CDK13: variants seen among roughly 807,000 people sequenced by gnomAD.
The protein encoded by CDK13 is cyclin-dependent kinase 13.
Under a neutral mutation model 137.6 loss-of-function variants are expected in CDK13, and 40 were observed. That is an observed-to-expected ratio of 0.29 (90% CI 0.23 to 0.38). The LOEUF (loss-of-function observed/expected upper bound fraction) is 0.38, where lower values mean the gene tolerates loss of function less well. CDK13 is among the 10% of genes least tolerant of loss of function. CDK13 has a pLI of 1.00. For synonymous variants in CDK13, 869 were observed against 760.1 expected (o/e 1.14, Z -2.36); for missense variants, 1,704 against 1,951.8 (o/e 0.87, Z 2.39).
chr7:40,064,145 G>A (rs866672534), intron 9 of CDK13, among the ~76,000 whole-genome samples: 226 of 152,012 alleles, frequency 1.5e-3, no homozygotes, highest in African/African-American at 5.0e-3. Flanking sequence ...TTAGCCCGGC[G>A]TGGTGGCCCA....
intron 11 of CDK13, among the ~76,000 whole-genome samples, chr7:40,087,013 C>G (rs1482295458): frequency 6.6e-6 from 1 of 151,862 alleles, no homozygotes; most frequent in Non-Finnish European, 1.5e-5. Context: ...AGCATGTTGC[C>G]CATGCTGGTG....
At chr7:40,086,212 A>T (rs1402895475) in intron 11 of CDK13, among the ~76,000 whole-genome samples, 2 of 152,186 alleles carry the variant, frequency 1.3e-5, no homozygotes, top group Non-Finnish European at 2.9e-5. Context: ...GAAAGAGGAG[A>T]TGTAAAAGAA....
intron 2 of CDK13, among the ~76,000 whole-genome samples, chr7:39,989,086 C>CAAAAAAAA (rs1213730855): frequency 1.5e-4 from 7 of 46,670 alleles, no homozygotes; most frequent in Admixed American, 3.3e-4. Flanking sequence ...CGTGTCTCAC[C>CAAAAAAAA]AAAAAAAAAA....
In CDK13 at chr7:40,032,258, A is replaced by G. The variant is rs202138929; in HGVS notation, c.2354-13578A>G. Among the ~76,000 whole-genome samples, 88 of 152,194 alleles carry G rather than the reference A, an allele frequency of 5.8e-4. No homozygotes were observed. In the East Asian group the frequency reaches 0.011, roughly 20 times the overall value. ...GGTTTTAAAAATATTTTTTGGAGAG[A>G]CAGGGTTTTGCCACGTTGCCCAGAC... is the stretch of plus-strand genomic sequence containing the variant. On this transcript the variant is annotated intron_variant, in intron 5 of 13. Coordinates refer to ENST00000181839, the MANE Select transcript of CDK13 (RefSeq NM_003718.5).
Position 40,093,211 on chromosome 7 carries a change from C to T in CDK13, c.3662C>T (p.Pro1221Leu), listed in dbSNP as rs773196593. ...GHEASLQLRP[P>L]PEPSTPVSGQ... is the part of the protein sequence containing the mutation. Reference sequence around the variant, plus strand: ...GAAGCGTCATTACAACTCAGGCCACCTCCAGAACCTAGCACTCCGGTGTCG... The same window carrying T: ...GAAGCGTCATTACAACTCAGGCCACTTCCAGAACCTAGCACTCCGGTGTCG... Residue 1221 changes from proline (P) to leucine (L), a missense_variant, in exon 13 of 14, where the codon CCT becomes CTT. Pro to Leu is a moderately conservative substitution (Grantham distance 98). Transcript: ENST00000181839. The T allele has an allele frequency of 1.9e-6, 3 of 1,613,304 alleles. No homozygotes were observed. Among genetic ancestry groups the T allele is most frequent in the Non-Finnish European group, 2.5e-6 (3 of 1,179,698 alleles).
At chr7:40,089,154 G>A (rs1399599250) in intron 12 of CDK13, among the ~76,000 whole-genome samples, 1 of 151,728 alleles carries the variant, frequency 6.6e-6, no homozygotes, top group African/African-American at 2.4e-5. Flanking sequence ...AGAAGGGAAG[G>A]CCAGGCATGG....
At chr7:39,971,639 CT>C (rs952763187) in intron 1 of CDK13, among the ~76,000 whole-genome samples, 1 of 66,746 alleles carries the variant, frequency 1.5e-5, no homozygotes, top group Non-Finnish European at 3.2e-5. Flanking sequence ...GCTCGCAGCA[CT>C]TTGGGAGGCC....
At chr7:40,020,946 C>T (rs961511643) in intron 5 of CDK13, among the ~76,000 whole-genome samples, 20 of 151,966 alleles carry the variant, frequency 1.3e-4, no homozygotes, top group African/African-American at 4.6e-4. Context: ...CAAAAATTAG[C>T]AGGGCGTGGT....
chr7:40,064,939 G>GCAC (rs1786245730), intron 9 of CDK13, among the ~76,000 whole-genome samples: 1 of 140,742 alleles, frequency 7.1e-6, no homozygotes, highest in Non-Finnish European at 1.5e-5. Context: ...CCACAGGCAT[G>GCAC]CACCACCATG....
At chr7:39,957,178 G>A (rs543734277) in intron 1 of CDK13, among the ~76,000 whole-genome samples, 1 of 151,310 alleles carries the variant, frequency 6.6e-6, no homozygotes, top group South Asian at 2.1e-4. Flanking sequence ...CTGGTCTCCT[G>A]GGGTTGAACA....
intron 5 of CDK13, among the ~76,000 whole-genome samples, chr7:40,003,202 A>ACTCTCTCTCTCTCTCTCT (rs1334115140): frequency 1.2e-5 from 1 of 80,970 alleles, no homozygotes; most frequent in African/African-American, 4.5e-5. Flanking sequence ...ACACACACAC[A>ACTCTCTCTCTCTCTCTCT]CACACTCTCT....
intron 1 of CDK13, chr7:39,952,510 T>G (rs1787262354): frequency 6.6e-6 from 1 of 152,236 alleles, no homozygotes. Context: ...TTCAAAGTCA[T>G]AATTATAGAA....
rs572547348 is a variant in CDK13 at position 39,981,971 on chromosome 7, T to C, written c.1212-5628T>C. Reference sequence around the variant, plus strand: ...TACGCCCGGCTAATTTTTTTTTTTTTCACTATTGTGTATTTTTTCTTTTTT... The same window carrying C: ...TACGCCCGGCTAATTTTTTTTTTTTCCACTATTGTGTATTTTTTCTTTTTT... On this transcript the variant is annotated intron_variant, in intron 1 of 13. Transcript: ENST00000181839. 1.0e-4 allele frequency among the ~76,000 whole-genome samples: 15 copies of C among 144,734 alleles called. No homozygotes were observed. The East Asian group carries it at 2.3e-3, about 22-fold the overall frequency. 95.0% of individuals were successfully genotyped at this position (144,734 alleles called of 152,430 possible).
rs185487038 is a variant in CDK13, at chr7:40,068,800, A to G, written c.2780+5700A>G. Among the ~76,000 whole-genome samples, 1,064 of 151,812 alleles carry G rather than the reference A, an allele frequency of 7.0e-3. 34 individuals carry two copies. Among genetic ancestry groups the G allele is most frequent in the Non-Finnish European group, 3.1e-3 (211 of 67,902 alleles). ...AATAGTTACAGAAGGCTATATTGAGATTGATCTCATTTAGGTAAAACAAAA... is the reference window on the plus strand; with the variant it reads ...AATAGTTACAGAAGGCTATATTGAGGTTGATCTCATTTAGGTAAAACAAAA... On this transcript the variant is annotated intron_variant, in intron 9 of 13. Transcript: ENST00000181839.
intron 5 of CDK13, among the ~76,000 whole-genome samples, chr7:40,016,563 A>G (rs1024617153): frequency 6.6e-5 from 10 of 152,160 alleles, no homozygotes; most frequent in African/African-American, 2.2e-4. Flanking sequence ...GTCAGATGTT[A>G]AAGTTTGGGA....
rs949009710 is a variant in CDK13, at chr7:40,093,107, G to T, written c.3558G>T (p.Leu1186=). Residue 1186 remains leucine, a synonymous_variant, in exon 13 of 14, where the codon CTG becomes CTT. Transcript: ENST00000181839. The part of the protein sequence containing the change: ...QAAVQSAFAV[L]LTQLIKAQQS... ...CTGTGCAGAGTGCATTTGCAGTTCTGTTGACTCAGTTAATAAAGGCTCAGC... is the reference window on the plus strand; with the variant it reads ...CTGTGCAGAGTGCATTTGCAGTTCTTTTGACTCAGTTAATAAAGGCTCAGC... 1 of 1,614,172 alleles carries T rather than the reference G, an allele frequency of 6.2e-7. No homozygotes were observed. Among genetic ancestry groups the T allele is most frequent in the Non-Finnish European group, 8.5e-7 (1 of 1,180,034 alleles).
At chr7:40,015,363 G>A (rs868230849) in intron 5 of CDK13, among the ~76,000 whole-genome samples, 7 of 152,202 alleles carry the variant, frequency 4.6e-5, no homozygotes, top group Admixed American at 3.3e-4. Flanking sequence ...TAGAGCACTA[G>A]AAATATGTGC....
In CDK13 at chr7:40,094,925, G is replaced by A. The variant is rs2150548995; in HGVS notation, c.4484G>A (p.Arg1495Lys). ...AQGPGYSQGYRGHISTSTGRG... is the reference protein window; with the variant it reads ...AQGPGYSQGYKGHISTSTGRG... ...GGACCTGGATATTCACAAGGATACAGGGGACATATTAGCACATCAACTGGC... is the reference window on the plus strand; with the variant it reads ...GGACCTGGATATTCACAAGGATACAAGGGACATATTAGCACATCAACTGGC... Residue 1495 changes from arginine to lysine, a missense_variant, in exon 14 of 14, where the codon AGG becomes AAG. Around this residue, in one of 5 missense-constraint regions of CDK13, gnomAD observed 475 missense variants for 579.3 expected, o/e 0.82. Transcript: ENST00000181839. 6.7e-7 allele frequency: 1 copy of A among 1,492,592 alleles called. No individual in the cohort carries two copies. 92.5% of individuals were successfully genotyped at this position (1,492,592 alleles called of 1,614,324 possible). A position where few individuals can be genotyped will look rare whatever the true frequency, so the allele number is the denominator to read the frequency against.
At chr7:39,974,231 AT>A (rs933060389) in intron 1 of CDK13, among the ~76,000 whole-genome samples, 160 of 146,890 alleles carry the variant, frequency 1.1e-3, no homozygotes, top group African/African-American at 2.5e-3. Context: ...TATCTTGTTA[AT>A]TTTTTTTTTT....
Sources: allele counts gnomAD v4.1 joint callset (sites outside exome capture counted in the v4.1 genomes callset), GRCh38; gene constraint gnomAD v4.1.1; regional missense constraint gnomAD v4.1.1; transcripts MANE v1.5; gene names NCBI Gene and HGNC (gene_info 2026-07-23, HGNC 2026-07-21).